The following CDYL2 variants were observed in gnomAD, a reference collection of about 807,000 sequenced individuals.
CDYL2 encodes chromodomain Y-like protein 2.
Under a neutral mutation model 49.4 loss-of-function variants are expected in CDYL2, and 23 were observed. That is an observed-to-expected ratio of 0.47 (90% CI 0.34 to 0.66). The LOEUF (loss-of-function observed/expected upper bound fraction) is 0.66. CDYL2 is among the 30% of genes least tolerant of loss of function. CDYL2 has a pLI of 0.01. For synonymous variants in CDYL2, 360 were observed against 268.8 expected (o/e 1.34, Z -3.32); for missense variants, 678 against 656.4 (o/e 1.03, Z -0.36).
intron 1 of CDYL2, among the ~76,000 whole-genome samples, chr16:80,716,893 G>T (rs974609678): frequency 6.6e-6 from 1 of 151,882 alleles, no homozygotes; most frequent in African/African-American, 2.4e-5. Context: ...ATGGATGGAT[G>T]GATGGATGGA....
At chr16:80,718,882 A>G (rs940998593) in intron 1 of CDYL2, among the ~76,000 whole-genome samples, 1 of 152,192 alleles carries the variant, frequency 6.6e-6, no homozygotes, top group African/African-American at 2.4e-5. Context: ...CAGGGAGGCC[A>G]CTAAGGAGGG....
At position 80,604,184 on chromosome 16, in the gene CDYL2, G is replaced by A; in HGVS notation, c.*204C>T. ...CTCTCTGGCCAGGAAGGGCAGGGAG[G>A]TGGGGGAGGCCAAGTATGCTGCGTT... is the stretch of plus-strand genomic sequence containing the variant. On this transcript the variant is annotated 3_prime_UTR_variant, in exon 7 of 7. Transcript: ENST00000570137. 1.6e-6 allele frequency: 1 copy of A among 606,188 alleles called. No homozygotes were observed. Among genetic ancestry groups the A allele is most frequent in the Middle Eastern group, 4.4e-4 (1 of 2,264 alleles). The allele number at this position is 606,188 out of a possible 1,614,324, so 37.6% of individuals were successfully genotyped here.
At chr16:80,694,349 G>T (rs558330573) in intron 1 of CDYL2, among the ~76,000 whole-genome samples, 192 of 152,308 alleles carry the variant, frequency 1.3e-3, no homozygotes, top group Middle Eastern at 6.8e-3. Flanking sequence ...ATAACCAGGG[G>T]GTTAGGAACC....
rs1906063331 is a variant in CDYL2 at position 80,601,123 on chromosome 16, C to T, written c.*3265G>A. 1 of 152,166 alleles carries T rather than the reference C, an allele frequency of 6.6e-6. No individual in the cohort carries two copies. Among genetic ancestry groups the T allele is most frequent in the Non-Finnish European group, 1.5e-5 (1 of 68,032 alleles). 9.4% of individuals were successfully genotyped at this position (152,166 alleles called of 1,614,324 possible). On this transcript the variant is annotated 3_prime_UTR_variant, in exon 7 of 7. Coordinates refer to ENST00000570137, the MANE Select transcript of CDYL2 (RefSeq NM_152342.4). Reference sequence around the variant, plus strand: ...TATGCCGGAAGGGGCACATTAAGTACATCAGCATTAGGCTGTGTCTTCCAA... The same window carrying T: ...TATGCCGGAAGGGGCACATTAAGTATATCAGCATTAGGCTGTGTCTTCCAA...
chr16:80,748,894 C>G (rs1282010270), intron 1 of CDYL2, among the ~76,000 whole-genome samples: 2 of 152,060 alleles, frequency 1.3e-5, no homozygotes, highest in Non-Finnish European at 2.9e-5. Context: ...TGATATAAAT[C>G]AATCCATCAA....
intron 3 of CDYL2, 90 bp downstream of exon 3, chr16:80,632,929 T>C (rs56713233): frequency 0.14 from 179,313 of 1,311,970 alleles, 15,756 homozygotes; most frequent in Admixed American, 0.38. Flanking sequence ...CTCAGCTCCC[T>C]GATGGAAGGA....
At chr16:80,674,902 T>C (rs1158724221) in intron 2 of CDYL2, among the ~76,000 whole-genome samples, 2 of 152,224 alleles carry the variant, frequency 1.3e-5, no homozygotes, top group East Asian at 3.8e-4. Context: ...GGAGTCCCCT[T>C]TACAATGCAT....
chr16:80,690,311 C>A (rs1407227088), intron 1 of CDYL2, among the ~76,000 whole-genome samples: 6 of 151,980 alleles, frequency 3.9e-5, no homozygotes, highest in African/African-American at 9.7e-5. Flanking sequence ...ATGAGAAGGA[C>A]TGGAGCAGTG....
intron 2 of CDYL2, among the ~76,000 whole-genome samples, chr16:80,674,786 G>A (rs1004315729): frequency 7.2e-5 from 11 of 152,184 alleles, no homozygotes; most frequent in African/African-American, 1.7e-4. Flanking sequence ...AATAACATCC[G>A]TCGTCTGGGA....
chr16:80,805,027 A>C (rs1310658505), upstream of CDYL2, among the ~76,000 whole-genome samples: 2 of 152,150 alleles, frequency 1.3e-5, no homozygotes, highest in East Asian at 3.9e-4. Context: ...GAAATGGCCC[A>C]TCCAGAGGCA....
intron 1 of CDYL2, among the ~76,000 whole-genome samples, chr16:80,798,035 GTTTGTTT>G (rs1013689259): frequency 1.3e-5 from 2 of 152,060 alleles, no homozygotes; most frequent in African/African-American, 2.4e-5. Flanking sequence ...GTTGTTGTTT[GTTTGTTT>G]TTTGTTTTTT....
chr16:80,677,705 C>G (rs1555529398), intron 2 of CDYL2, among the ~76,000 whole-genome samples: 2 of 151,664 alleles, frequency 1.3e-5, no homozygotes, highest in Non-Finnish European at 2.9e-5. Flanking sequence ...CACCACTGCA[C>G]TCCAGCCTGG....
intron 1 of CDYL2, among the ~76,000 whole-genome samples, chr16:80,778,701 T>C (rs1205148870): frequency 6.6e-6 from 1 of 151,990 alleles, no homozygotes. Context: ...ATCTGAAAAC[T>C]TTATCAACAG....
chr16:80,743,146 T>C (rs891012524), intron 1 of CDYL2, among the ~76,000 whole-genome samples: 2 of 152,178 alleles, frequency 1.3e-5, no homozygotes, highest in Non-Finnish European at 2.9e-5. Context: ...TCCACTTACA[T>C]GTATTGAACA....
chr16:80,735,584 G>A (rs1054098731), intron 1 of CDYL2, among the ~76,000 whole-genome samples: 3 of 152,160 alleles, frequency 2.0e-5, no homozygotes, highest in Admixed American at 1.3e-4. Context: ...AGAGGGAAGG[G>A]AGGGAATTCT....
rs1385050511 is a variant in CDYL2, at chr16:80,717,532, C to G, written c.25-32403G>C. On this transcript the variant is annotated intron_variant, in intron 1 of 6. Coordinates refer to ENST00000570137, the MANE Select transcript of CDYL2 (RefSeq NM_152342.4). ...CCCCAGTCCTCTTCCAAAGATTTCACTAGGGTGAAGACTGCTTTACCTCTT... is the reference window on the plus strand; with the variant it reads ...CCCCAGTCCTCTTCCAAAGATTTCAGTAGGGTGAAGACTGCTTTACCTCTT... Among the ~76,000 whole-genome samples, 4 of 152,180 alleles carry G rather than the reference C, an allele frequency of 2.6e-5. No homozygotes were observed. The East Asian group carries it at 7.7e-4, about 29-fold the overall frequency.
chr16:80,703,973 C>A (rs1904324657), intron 1 of CDYL2, among the ~76,000 whole-genome samples: 1 of 152,208 alleles, frequency 6.6e-6, no homozygotes, highest in South Asian at 2.1e-4. Flanking sequence ...CCAAAGTACA[C>A]ACAGGCCAAC....
chr16:80,723,541 G>T (rs1905071302), intron 1 of CDYL2, among the ~76,000 whole-genome samples: 1 of 152,158 alleles, frequency 6.6e-6, no homozygotes, highest in African/African-American at 2.4e-5. Flanking sequence ...CTGACCCCAT[G>T]CCCCAGCACA....
At chr16:80,752,994 T>C (rs1186199260) in intron 1 of CDYL2, among the ~76,000 whole-genome samples, 4 of 152,210 alleles carry the variant, frequency 2.6e-5, no homozygotes, top group East Asian at 1.9e-4. Context: ...TGAACATTTG[T>C]TGTGCTAAAT....
Sources: allele counts gnomAD v4.1 joint callset (sites outside exome capture counted in the v4.1 genomes callset), GRCh38; gene constraint gnomAD v4.1.1; transcripts MANE v1.5; gene names NCBI Gene and HGNC (gene_info 2026-07-23, HGNC 2026-07-21).